Variants in KIAA0513 observed in about 807,000 individuals in gnomAD.
KIAA0513 encodes uncharacterized protein KIAA0513.
In KIAA0513, 39 loss-of-function variants were observed where a neutral mutation model predicts 56.5. That is an observed-to-expected ratio of 0.69 (90% CI 0.53 to 0.90). The LOEUF (loss-of-function observed/expected upper bound fraction) is 0.90, where lower values mean the gene tolerates loss of function less well. KIAA0513 is among the 40% of genes least tolerant of loss of function. The pLI is 0.00. For missense variants in KIAA0513, 591 were observed against 535.2 expected (o/e 1.10, Z -1.03); for synonymous variants, 268 against 215.6 (o/e 1.24, Z -2.13).
intron 1 of KIAA0513, among the ~76,000 whole-genome samples, chr16:85,062,997 G>C (rs2073427250): frequency 6.8e-6 from 1 of 146,822 alleles, no homozygotes; most frequent in Non-Finnish European, 1.5e-5. Context: ...GCGAGCCCCA[G>C]ACAGCTGAGA....
rs2073747595 is a variant in KIAA0513, at chr16:85,081,767, TC to T, written c.980+379del. On this transcript the variant is annotated intron_variant, in intron 9 of 12. Transcript: ENST00000683363. This position sits in a 1 kb window ranked among gnomAD's most constrained non-coding sequence, Gnocchi z 4.4. ...TCCTGGGAGGAAGGGCTGGCCACCATCCCCGAGACTGCCCTCGAGAGCTGGC... is the reference window on the plus strand; with the variant it reads ...TCCTGGGAGGAAGGGCTGGCCACCATCCCGAGACTGCCCTCGAGAGCTGGC... Among the ~76,000 whole-genome samples, 1 of 152,138 alleles carries T rather than the reference TC, an allele frequency of 6.6e-6. No homozygotes were observed. Among genetic ancestry groups the T allele is most frequent in the South Asian group, 2.1e-4 (1 of 4,822 alleles).
intron 1 of KIAA0513, among the ~76,000 whole-genome samples, chr16:85,055,728 G>A (rs1567530300): frequency 6.6e-6 from 1 of 152,132 alleles, no homozygotes; most frequent in Non-Finnish European, 1.5e-5. Context: ...TTGAAATGAG[G>A]TTTCCATTTG....
At chr16:85,061,125 C>T (rs554797560) in intron 1 of KIAA0513, among the ~76,000 whole-genome samples, 2 of 151,820 alleles carry the variant, frequency 1.3e-5, no homozygotes, top group South Asian at 2.1e-4. Flanking sequence ...TGCACTCCAT[C>T]CAGCCTGGGC....
At chr16:85,039,502 C>T (rs1015592593) in intron 1 of KIAA0513, among the ~76,000 whole-genome samples, 8 of 152,070 alleles carry the variant, frequency 5.3e-5, no homozygotes, top group African/African-American at 1.9e-4. Context: ...TGGGGTTTTG[C>T]TGTGTTGCCC....
intron 1 of KIAA0513, among the ~76,000 whole-genome samples, chr16:85,028,708 C>G (rs1398679520): frequency 6.7e-6 from 1 of 149,694 alleles, no homozygotes; most frequent in African/African-American, 2.5e-5. Context: ...GAAAAAAAGA[C>G]TTTACAGGGG....
chr16:85,079,193 A>G (rs532630571), intron 8 of KIAA0513, 190 bp downstream of exon 8: 4 of 1,253,886 alleles, frequency 3.2e-6, no homozygotes, highest in South Asian at 1.5e-5. Context: ...GCTCTCCTGT[A>G]TGGCTAGGAG....
At chr16:85,042,775 C>A (rs1263738088) in intron 1 of KIAA0513, among the ~76,000 whole-genome samples, 3 of 152,200 alleles carry the variant, frequency 2.0e-5, no homozygotes, top group African/African-American at 7.2e-5. Flanking sequence ...GTGCCGTGCA[C>A]AGAGGCAGCA....
At chr16:85,082,532 C>A in intron 9 of KIAA0513, 32 bp from the exon 10 acceptor site, 1 of 1,612,762 alleles carries the variant, frequency 6.2e-7, no homozygotes, top group South Asian at 1.1e-5. Flanking sequence ...TTGACATGTT[C>A]CTTTGTTTAC....
intron 1 of KIAA0513, among the ~76,000 whole-genome samples, chr16:85,065,321 G>C: frequency 6.6e-6 from 1 of 152,178 alleles, no homozygotes; most frequent in East Asian, 1.9e-4. Context: ...GACCCCGACC[G>C]GCCACTCCTT....
At chr16:85,043,604 G>C (rs2073132313) in intron 1 of KIAA0513, among the ~76,000 whole-genome samples, 1 of 151,848 alleles carries the variant, frequency 6.6e-6, no homozygotes, top group South Asian at 2.1e-4. Context: ...GCAGGGATGA[G>C]ATTTCACCAT....
chr16:85,042,572 C>T (rs1228304003), intron 1 of KIAA0513, among the ~76,000 whole-genome samples: 2 of 152,118 alleles, frequency 1.3e-5, no homozygotes, highest in East Asian at 1.9e-4. Flanking sequence ...TTTCTTCCTC[C>T]ATAAAGTGGG....
At chr16:85,047,322 T>G (rs902136049) in intron 1 of KIAA0513, among the ~76,000 whole-genome samples, 1 of 152,180 alleles carries the variant, frequency 6.6e-6, no homozygotes, top group African/African-American at 2.4e-5. Context: ...TCGTAACAAC[T>G]TGATGGGGTT....
intron 1 of KIAA0513, among the ~76,000 whole-genome samples, chr16:85,058,790 G>A (rs775846633): frequency 3.3e-5 from 5 of 152,124 alleles, no homozygotes; most frequent in Admixed American, 6.5e-5. Context: ...CATTGCATAC[G>A]AAGACCCTCC....
At position 85,093,401 on chromosome 16, in the gene KIAA0513, G is replaced by T. The variant is rs1040591687; in HGVS notation, c.*5076G>T. 2 of 152,534 alleles carry T rather than the reference G, an allele frequency of 1.3e-5. No individual in the cohort carries two copies. The highest frequency in any genetic ancestry group is 2.9e-5 in the Non-Finnish European group (2 of 68,060). 9.4% of individuals were successfully genotyped at this position (152,534 alleles called of 1,614,324 possible). Reference sequence around the variant, plus strand: ...GACAGTACGATTTGGGGAGAACCCAGCTCCCCACTTTATCTGCAGACTCTG... The same window carrying T: ...GACAGTACGATTTGGGGAGAACCCATCTCCCCACTTTATCTGCAGACTCTG... On this transcript the variant is annotated 3_prime_UTR_variant, in exon 13 of 13. Coordinates refer to ENST00000683363, the MANE Select transcript of KIAA0513 (RefSeq NM_001388359.1).
At chr16:85,044,973 C>A (rs532359949) in intron 1 of KIAA0513, among the ~76,000 whole-genome samples, 5 of 152,032 alleles carry the variant, frequency 3.3e-5, no homozygotes, top group Admixed American at 1.3e-4. Flanking sequence ...AAAAAATTAG[C>A]CGGGCGTGGT....
chr16:85,043,642 A>T (rs1362845226), intron 1 of KIAA0513, among the ~76,000 whole-genome samples: 3 of 151,818 alleles, frequency 2.0e-5, no homozygotes, highest in Non-Finnish European at 4.4e-5. Context: ...TGAACTCTTG[A>T]CCTCAAGTGA....
At chr16:85,036,809 T>C (rs35835594) in intron 1 of KIAA0513, among the ~76,000 whole-genome samples, 8,093 of 152,242 alleles carry the variant, frequency 0.053, 258 homozygotes, top group Middle Eastern at 0.082. Flanking sequence ...CACACACAGT[T>C]TGGTGGTCTC....
At chr16:85,045,262 C>G (rs982903045) in intron 1 of KIAA0513, among the ~76,000 whole-genome samples, 1 of 152,178 alleles carries the variant, frequency 6.6e-6, no homozygotes, top group Non-Finnish European at 1.5e-5. Flanking sequence ...CCACACATGC[C>G]TGGTTTCAGC....
intron 1 of KIAA0513, among the ~76,000 whole-genome samples, chr16:85,053,833 A>T (rs931052823): frequency 6.6e-6 from 1 of 152,118 alleles, no homozygotes; most frequent in African/African-American, 2.4e-5. Context: ...CTCTACTAAA[A>T]ATACAAAAAT....
Sources: gnomAD v4.1 joint callset for allele counts (sites outside exome capture counted in the v4.1 genomes callset) on GRCh38, gnomAD v4.1.1 for gene constraint, Gnocchi (gnomAD v3.1) non-coding constraint, MANE v1.5 for transcripts, NCBI Gene and HGNC (gene_info 2026-07-23, HGNC 2026-07-21) for gene names.